SLC24A3: variants seen among roughly 807,000 people sequenced by gnomAD.
SLC24A3 encodes the protein solute carrier family 24 member 3, also known as sodium/potassium/calcium exchanger 3.
Under a neutral mutation model 75.8 loss-of-function variants are expected in SLC24A3, and 28 were observed. The ratio of observed to expected loss-of-function variants is 0.37; its 90% CI spans 0.27 to 0.51. SLC24A3 has a LOEUF of 0.51. Ranked by LOEUF, SLC24A3 falls within the 20% of genes least tolerant of loss-of-function variation. The pLI, the probability that SLC24A3 is intolerant of heterozygous loss-of-function variation, is 0.94. For missense variants in SLC24A3, 663 were observed against 847.8 expected (o/e 0.78, Z 2.71); for synonymous variants, 372 against 334.1 (o/e 1.11, Z -1.24).
chr20:19,464,667 C>G (rs1048136756), intron 2 of SLC24A3, among the ~76,000 whole-genome samples: 15 of 152,338 alleles, frequency 9.8e-5, no homozygotes, highest in African/African-American at 3.1e-4. Context: ...ATAGCACAGT[C>G]TACATACAGA....
chr20:19,349,291 C>T lies in SLC24A3; in HGVS notation c.271+68204C>T, dbSNP rs187082774. The stretch of plus-strand genomic sequence containing the variant: ...AGTCTCCTGTCTCTGTGCCTCTAGA[C>T]TAACATTCAGCCACACTAGCTGAGT... On this transcript the variant is annotated intron_variant, in intron 2 of 16. Transcript: ENST00000328041. Among the ~76,000 whole-genome samples the T allele has an allele frequency of 2.2e-3, 332 of 152,316 alleles. 1 individual carries two copies. Among genetic ancestry groups the T allele is most frequent in the Middle Eastern group, 3.4e-3 (1 of 294 alleles).
chr20:19,678,832 G>A lies in SLC24A3; in HGVS notation c.768-3026G>A, dbSNP rs1281064334. On this transcript the variant is annotated intron_variant, in intron 9 of 16. Coordinates refer to ENST00000328041, the MANE Select transcript of SLC24A3 (RefSeq NM_020689.4). Reference sequence around the variant, plus strand: ...GGTCTCCTCCCTTCTCAGATGGGGCGGCTGGGCAGAGACGCTCCTCACCTC... The same window carrying A: ...GGTCTCCTCCCTTCTCAGATGGGGCAGCTGGGCAGAGACGCTCCTCACCTC... Among the ~76,000 whole-genome samples the A allele has an allele frequency of 6.6e-5, 10 of 151,270 alleles. No individual in the cohort carries two copies. The South Asian group carries it at 1.9e-3, about 29-fold the overall frequency.
At chr20:19,484,699 G>A (rs1045039103) in intron 2 of SLC24A3, among the ~76,000 whole-genome samples, 1 of 152,156 alleles carries the variant, frequency 6.6e-6, no homozygotes, top group Non-Finnish European at 1.5e-5. Context: ...GGCAGGAATG[G>A]GGAGTTATTC....
At chr20:19,394,980 TTGA>T (rs2012205144) in intron 2 of SLC24A3, among the ~76,000 whole-genome samples, 1 of 152,244 alleles carries the variant, frequency 6.6e-6, no homozygotes, top group Non-Finnish European at 1.5e-5. Context: ...TGTCTAATGA[TTGA>T]TGAATAGATA....
chr20:19,672,731 C>CT (rs1233675966), intron 8 of SLC24A3, among the ~76,000 whole-genome samples: 1 of 152,138 alleles, frequency 6.6e-6, no homozygotes, highest in Admixed American at 6.6e-5. Flanking sequence ...CAGCTTTTCA[C>CT]TTTTTTATAA....
chr20:19,558,599 C>G (rs1311760166), intron 3 of SLC24A3, among the ~76,000 whole-genome samples: 3 of 152,160 alleles, frequency 2.0e-5, no homozygotes, highest in Non-Finnish European at 4.4e-5. Flanking sequence ...TTAGGACCTT[C>G]AAAATTTTGA....
intron 2 of SLC24A3, among the ~76,000 whole-genome samples, chr20:19,506,151 G>A (rs1208582086): frequency 2.6e-5 from 4 of 152,196 alleles, no homozygotes; most frequent in South Asian, 2.1e-4. Context: ...GGTAAAGGAC[G>A]GATTCAAATC....
intron 3 of SLC24A3, among the ~76,000 whole-genome samples, chr20:19,546,658 C>T (rs2030601358): frequency 6.6e-6 from 1 of 152,170 alleles, no homozygotes; most frequent in African/African-American, 2.4e-5. Flanking sequence ...TTTTTAAGGT[C>T]CTTTCCAATT....
Position 19,531,051 on chromosome 20 carries a change from G to C in SLC24A3, c.348+15487G>C, listed in dbSNP as rs78996938. Among the ~76,000 whole-genome samples the C allele has an allele frequency of 9.0e-3, 1,367 of 152,014 alleles. 21 individuals carry two copies. Among genetic ancestry groups the C allele is most frequent in the South Asian group, 0.041 (199 of 4,826 alleles). On this transcript the variant is annotated intron_variant, in intron 3 of 16. Coordinates refer to ENST00000328041, the MANE Select transcript of SLC24A3 (RefSeq NM_020689.4). ...CGCTAGCCAGTGCCTGCCTTAGGTT[G>C]CCTGTGGTTCAGCCTATCCGTGTGC...
chr20:19,232,712 G>T (rs1982057430), intron 1 of SLC24A3, among the ~76,000 whole-genome samples: 1 of 152,186 alleles, frequency 6.6e-6, no homozygotes, highest in Non-Finnish European at 1.5e-5. Flanking sequence ...AACTCTGTTG[G>T]CTAAGCTATC....
chr20:19,260,511 G>A (rs1982949352), intron 1 of SLC24A3, among the ~76,000 whole-genome samples: 1 of 152,222 alleles, frequency 6.6e-6, no homozygotes, highest in South Asian at 2.1e-4. Context: ...TGAAGTTAGA[G>A]CTGTGTTGTA....
At chr20:19,414,847 T>C (rs924439062) in intron 2 of SLC24A3, among the ~76,000 whole-genome samples, 1 of 152,192 alleles carries the variant, frequency 6.6e-6, no homozygotes, top group Non-Finnish European at 1.5e-5. Flanking sequence ...TAATGCATCA[T>C]ATCACGTTTC....
At position 19,685,208 on chromosome 20, in the gene SLC24A3, C is replaced by A; in HGVS notation, c.1171C>A (p.Pro391Thr). The A allele has an allele frequency of 1.2e-6, 2 of 1,614,090 alleles. No individual in the cohort carries two copies. The highest frequency in any genetic ancestry group is 1.7e-6 in the Non-Finnish European group (2 of 1,180,018). Reference sequence around the variant, plus strand: ...GAATGGGACAGGGCCCAGCAGTGCCCCAGACAGGGGCGTGAATGGGACACG... The same window carrying A: ...GAATGGGACAGGGCCCAGCAGTGCCACAGACAGGGGCGTGAATGGGACACG... The part of the protein sequence containing the change: ...VENGTGPSSA[P>T]DRGVNGTRRD... The change falls in exon 12 of 17, where the codon CCA becomes ACA. Residue 391 changes from proline (P) to threonine (T), a missense_variant. Physicochemically the swap from Pro to Thr is conservative, Grantham distance 38. This residue lies in a region of SLC24A3 where 510 missense variants were observed against 703.6 expected (regional missense o/e 0.72). Transcript: ENST00000328041.
chr20:19,349,913 G>A (rs112811878), intron 2 of SLC24A3, among the ~76,000 whole-genome samples: 15 of 152,284 alleles, frequency 9.9e-5, no homozygotes, highest in Admixed American at 5.2e-4. Flanking sequence ...CCACTGTGTG[G>A]CATATGTTTC....
chr20:19,525,141 C>G (rs552251166), intron 3 of SLC24A3, among the ~76,000 whole-genome samples: 25 of 152,290 alleles, frequency 1.6e-4, no homozygotes, highest in African/African-American at 4.6e-4. Flanking sequence ...AGCCAGCCCC[C>G]CTTATATAGT....
intron 2 of SLC24A3, among the ~76,000 whole-genome samples, chr20:19,472,517 A>G (rs1987892383): frequency 6.6e-6 from 1 of 152,194 alleles, no homozygotes; most frequent in Non-Finnish European, 1.5e-5. Context: ...GAAGGAAACC[A>G]AGCCAGAAGT....
At chr20:19,645,861 C>T (rs2032130845) in intron 6 of SLC24A3, among the ~76,000 whole-genome samples, 2 of 152,152 alleles carry the variant, frequency 1.3e-5, no homozygotes, top group South Asian at 4.1e-4. Context: ...CCAGATCAGC[C>T]TGGGCAACAT....
intron 2 of SLC24A3, among the ~76,000 whole-genome samples, chr20:19,328,885 A>T (rs1310988858): frequency 6.6e-6 from 1 of 152,168 alleles, no homozygotes; most frequent in African/African-American, 2.4e-5. Context: ...CAGAGAGAGG[A>T]CTAAGAGCCC....
At chr20:19,265,174 G>A (rs1010652501) in intron 1 of SLC24A3, among the ~76,000 whole-genome samples, 3 of 152,250 alleles carry the variant, frequency 2.0e-5, no homozygotes, top group Admixed American at 6.5e-5. Flanking sequence ...TCTGCTGTCA[G>A]TTGGCCCAGG....
Sources: gnomAD v4.1 joint callset for allele counts (sites outside exome capture counted in the v4.1 genomes callset) on GRCh38, gnomAD v4.1.1 for gene constraint, gnomAD v4.1.1 regional missense constraint, MANE v1.5 for transcripts, NCBI Gene and HGNC (gene_info 2026-07-23, HGNC 2026-07-21) for gene names.